TYK2: variants seen among roughly 807,000 people sequenced by gnomAD.
The protein encoded by TYK2 is non-receptor tyrosine-protein kinase TYK2.
Under a neutral mutation model 130.9 loss-of-function variants are expected in TYK2, and 65 were observed. The ratio of observed to expected loss-of-function variants is 0.50; its 90% CI spans 0.41 to 0.61. TYK2 has a LOEUF of 0.61. Among genes scored for constraint, TYK2 ranks in the 20% least tolerant of loss-of-function variants. The probability of loss-of-function intolerance (pLI) is 0.00; values close to 1 mark genes in which losing one functional copy is unlikely to be tolerated. For missense variants in TYK2, 1,378 were observed against 1,610.7 expected, an observed-to-expected ratio of 0.86 and a Z score of 2.47; for synonymous variants, 647 against 658.9, an observed-to-expected ratio of 0.98 and a Z score of 0.28.
chr19:10,361,367 G>A lies in TYK2; in HGVS notation c.2047+144C>T. 2 of 819,902 alleles carry A rather than the reference G, an allele frequency of 2.4e-6. No homozygotes were observed. The highest frequency in any genetic ancestry group is 3.1e-5 in the South Asian group (2 of 64,600). 50.8% of individuals were successfully genotyped at this position (819,902 alleles called of 1,614,324 possible). On this transcript the variant is annotated intron_variant, in intron 14 of 24. Coordinates refer to ENST00000525621, the MANE Select transcript of TYK2 (RefSeq NM_003331.5). The surrounding 1 kb of genome is among the most constrained non-coding windows in gnomAD (Gnocchi z 4.0). ...TGGGGTCTAGGTTGAAGGTCAAGGTGTAGCCCGGGATCAGAGTACAGGTGA... is the reference window on the plus strand; with the variant it reads ...TGGGGTCTAGGTTGAAGGTCAAGGTATAGCCCGGGATCAGAGTACAGGTGA...
At chr19:10,352,740 C>CG (rs1263383503) in intron 22 of TYK2, among the ~76,000 whole-genome samples, 186 bp downstream of exon 22, 1 of 152,174 alleles carries the variant, frequency 6.6e-6, no homozygotes, top group Non-Finnish European at 1.5e-5. Context: ...GGGTTAACCC[C>CG]GCCCACCAGG....
In TYK2 at chr19:10,364,133, A is replaced by G. The variant is rs1198899460; in HGVS notation, c.1367+481T>C. On this transcript the variant is annotated intron_variant, in intron 9 of 24. Coordinates refer to ENST00000525621, the MANE Select transcript of TYK2 (RefSeq NM_003331.5). This position sits in a 1 kb window ranked among gnomAD's most constrained non-coding sequence, Gnocchi z 4.9. The stretch of plus-strand genomic sequence containing the variant: ...GCCTGCAGAGGTGGAAGCATCCAAC[A>G]TACGCCTGAATGGTCACCAGCGTCA... 1.3e-5 allele frequency among the ~76,000 whole-genome samples: 2 copies of G among 152,210 alleles called. No individual in the cohort carries two copies. The highest frequency in any genetic ancestry group is 2.9e-5 in the Non-Finnish European group (2 of 68,042).
At position 10,354,502 on chromosome 19, in the gene TYK2, C is replaced by T. The variant is rs758162695; in HGVS notation, c.2715+10G>A. Reference sequence around the variant, plus strand: ...GGCGGGCCTTTTAGCAGCTCAGGCCCGTCCCTCACCTCGCCCAGATCTCGG... The same window carrying T: ...GGCGGGCCTTTTAGCAGCTCAGGCCTGTCCCTCACCTCGCCCAGATCTCGG... On this transcript the variant is annotated intron_variant, in intron 19 of 24. Coordinates refer to ENST00000525621, the MANE Select transcript of TYK2 (RefSeq NM_003331.5). The T allele has an allele frequency of 1.2e-6, 2 of 1,613,462 alleles. No homozygotes were observed. The highest frequency in any genetic ancestry group is 1.7e-5 in the Admixed American group (1 of 60,004).
Position 10,353,955 on chromosome 19 carries a change from T to A in TYK2, c.2908+87A>T. 1.4e-6 allele frequency: 2 copies of A among 1,402,104 alleles called. No individual in the cohort carries two copies. Among genetic ancestry groups the A allele is most frequent in the East Asian group, 4.6e-5 (2 of 43,084 alleles). 86.9% of individuals were successfully genotyped at this position (1,402,104 alleles called of 1,614,324 possible). On this transcript the variant is annotated intron_variant, in intron 20 of 24. Transcript: ENST00000525621. This position sits in a 1 kb window ranked among gnomAD's most constrained non-coding sequence, Gnocchi z 6.9. Reference sequence around the variant, plus strand: ...CTGGGGTTGAGAGTCTCTAATTGGCTAGGCCAGACTGGCCCCGCCCACAAG... The same window carrying A: ...CTGGGGTTGAGAGTCTCTAATTGGCAAGGCCAGACTGGCCCCGCCCACAAG...
rs376003056 is a variant in TYK2, at chr19:10,356,683, G to C, written c.2502C>G (p.Pro834=). The C allele has an allele frequency of 6.2e-7, 1 of 1,611,166 alleles. No homozygotes were observed. The highest frequency in any genetic ancestry group is 1.3e-5 in the African/African-American group (1 of 74,844). The change falls in exon 18 of 25, where the codon CCC becomes CCG. Residue 834 remains proline (P), a synonymous_variant. Transcript: ENST00000525621. ...TGGCCAGCTGTGGGCAGGAGGGCTC[G>C]GGCAGCCGGTGCTGCCTCTGGTAGA... The part of the protein sequence containing the change: ...EHFYQRQHRL[P]EPSCPQLATL...
chr19:10,376,963 G>A (rs1016120223), intron 3 of TYK2, among the ~76,000 whole-genome samples: 2 of 151,972 alleles, frequency 1.3e-5, no homozygotes, highest in Non-Finnish European at 2.9e-5. Context: ...GTGCAGTGAC[G>A]AAACCATACC....
intron 3 of TYK2, among the ~76,000 whole-genome samples, chr19:10,374,752 A>G (rs1378161904): frequency 2.3e-4 from 28 of 120,148 alleles, no homozygotes; most frequent in Middle Eastern, 6.8e-3. Context: ...GCGTGGTGGC[A>G]GGCGCCTGTA....
chr19:10,364,840 C>A lies in TYK2; in HGVS notation c.1209+11G>T. On this transcript the variant is annotated intron_variant, in intron 8 of 24. Coordinates refer to ENST00000525621, the MANE Select transcript of TYK2 (RefSeq NM_003331.5). This position sits in a 1 kb window ranked among gnomAD's most constrained non-coding sequence, Gnocchi z 4.9. ...GATGGGCCCTAGCCCAGCCCCTACC[C>A]TGGGCCTCACCAGGCACTTGTTGTC... The A allele has an allele frequency of 6.2e-7, 1 of 1,614,050 alleles. No individual in the cohort carries two copies. Among genetic ancestry groups the A allele is most frequent in the South Asian group, 1.1e-5 (1 of 91,084 alleles).
intron 5 of TYK2, among the ~76,000 whole-genome samples, 153 bp from the exon 6 acceptor site, chr19:10,366,733 TAAAA>T (rs750662938): frequency 6.9e-5 from 7 of 101,898 alleles, no homozygotes; most frequent in Admixed American, 1.1e-4. Context: ...GCTGATGAGC[TAAAA>T]AAAAAAAAAA....
Position 10,353,469 on chromosome 19 carries a change from G to A in TYK2, c.3027+59C>T, listed in dbSNP as rs2040917018. On this transcript the variant is annotated intron_variant, in intron 21 of 24. Transcript: ENST00000525621. The surrounding 1 kb of genome is among the most constrained non-coding windows in gnomAD (Gnocchi z 6.9). ...GAGCAGACTGCACCGGATCGCTCAG[G>A]CCAGCCCAAGCTGAAGAGGAAGGGG... 1 of 1,295,848 alleles carries A rather than the reference G, an allele frequency of 7.7e-7. No individual in the cohort carries two copies. Among genetic ancestry groups the A allele is most frequent in the Non-Finnish European group, 1.0e-6 (1 of 959,124 alleles). The allele number at this position is 1,295,848 out of a possible 1,614,324, so 80.3% of individuals were successfully genotyped here.
Position 10,368,167 on chromosome 19 carries a change from C to A in TYK2, c.353G>T (p.Arg118Leu). The stretch of plus-strand genomic sequence containing the variant: ...CCCACAACGGTACACAGCCGGTTCC[C>A]GAGGATTCATGCCATGCCAGTTCCG... ...YFRNWHGMNP[R>L]EPAVYRCGPP... is the part of the protein sequence containing the mutation. Residue 118 changes from arginine to leucine, a missense_variant, in exon 5 of 25, where the codon CGG (arginine) becomes CTG (leucine). Coordinates refer to ENST00000525621, the MANE Select transcript of TYK2 (RefSeq NM_003331.5). The A allele has an allele frequency of 6.2e-7, 1 of 1,614,046 alleles. No individual in the cohort carries two copies. The highest frequency in any genetic ancestry group is 1.1e-5 in the South Asian group (1 of 91,066).
In TYK2 at chr19:10,351,051, C is replaced by T; in HGVS notation, c.3429+1G>A. 6.2e-7 allele frequency: 1 copy of T among 1,614,146 alleles called. No homozygotes were observed. ...TCAGGGAAAGACAAAGGAAGTCTCA[C>T]CTCACAGGGACATTTGTCGGGCCGT... On this transcript the variant is annotated splice_donor_variant, in intron 24 of 24. Coordinates refer to ENST00000525621, the MANE Select transcript of TYK2 (RefSeq NM_003331.5). LOFTEE classifies it high-confidence loss of function.
chr19:10,357,750 T>A lies in TYK2; in HGVS notation c.2466+14A>T, dbSNP rs769009661. 1 of 1,597,420 alleles carries A rather than the reference T, an allele frequency of 6.3e-7. No homozygotes were observed. The highest frequency in any genetic ancestry group is 8.5e-7 in the Non-Finnish European group (1 of 1,172,356). ...CCCCACTGCGGGGAGGGCCCAAGGG[T>A]CTCCTAGACATACCTCGGAGGGACT... On this transcript the variant is annotated intron_variant, in intron 17 of 24. Coordinates refer to ENST00000525621, the MANE Select transcript of TYK2 (RefSeq NM_003331.5).
At chr19:10,368,529 CA>C (rs759522840) in intron 3 of TYK2, 111 bp from the exon 4 acceptor site, 1 of 1,518,408 alleles carries the variant, frequency 6.6e-7, no homozygotes, top group South Asian at 1.2e-5. Flanking sequence ...CCCCCTCCCC[CA>C]CCTGCAGCTT....
In TYK2 at chr19:10,361,565, C is replaced by T; in HGVS notation, c.1993G>A (p.Val665Ile). 6.5e-7 allele frequency: 1 copy of T among 1,548,752 alleles called. No homozygotes were observed. The highest frequency in any genetic ancestry group is 8.7e-7 in the Non-Finnish European group (1 of 1,147,088). Residue 665 changes from valine to isoleucine, a missense_variant, in exon 14 of 25, where the codon GTC becomes ATC. Physicochemically the swap from Val to Ile is conservative, Grantham distance 29 (BLOSUM62 3). Transcript: ENST00000525621. The surrounding 1 kb of genome is among the most constrained non-coding windows in gnomAD (Gnocchi z 4.0). Reference sequence around the variant, plus strand: ...ACGAAGGCCAGGTGCGTGTGGGAGACCTGGCTCATGAGGCTGGCTGTCTCG... The same window carrying T: ...ACGAAGGCCAGGTGCGTGTGGGAGATCTGGCTCATGAGGCTGGCTGTCTCG... ...FYETASLMSQ[V>I]SHTHLAFVHG...
chr19:10,354,565 C>A lies in TYK2; in HGVS notation c.2662G>T (p.Asp888Tyr), dbSNP rs2040986831. The change falls in exon 19 of 25, where the codon GAC becomes TAC. Residue 888 changes from aspartate (D) to tyrosine (Y), a missense_variant. Asp to Tyr is a radical substitution (Grantham distance 160, BLOSUM62 -3). Transcript: ENST00000525621. Reference protein sequence around the residue: ...LTVNPDSPASDPTVFHKRYLK... With the variant: ...LTVNPDSPASYPTVFHKRYLK... Reference sequence around the variant, plus strand: ...TAGCGCTTGTGGAAAACCGTAGGGTCCGACGCCGGTGAGTCCGGGTTCACA... The same window carrying A: ...TAGCGCTTGTGGAAAACCGTAGGGTACGACGCCGGTGAGTCCGGGTTCACA... The A allele has an allele frequency of 6.2e-7, 1 of 1,614,088 alleles. No individual in the cohort carries two copies. Among genetic ancestry groups the A allele is most frequent in the East Asian group, 2.2e-5 (1 of 44,874 alleles).
intron 6 of TYK2, 22 bp from the exon 7 acceptor site, chr19:10,365,920 G>C: frequency 6.3e-7 from 1 of 1,587,686 alleles, no homozygotes; most frequent in Non-Finnish European, 8.6e-7. Context: ...CACAGTGAGG[G>C]GCTGGTCAGG....
At chr19:10,377,638 G>A (rs1363575412) in intron 3 of TYK2, among the ~76,000 whole-genome samples, 1 of 21,110 alleles carries the variant, frequency 4.7e-5, no homozygotes, top group African/African-American at 2.3e-4. Context: ...GTGGGTGGAT[G>A]GATGGGTGGA....
chr19:10,350,905 G>A lies in TYK2; in HGVS notation c.3493C>T (p.Leu1165Phe). 1 of 1,614,202 alleles carries A rather than the reference G, an allele frequency of 6.2e-7. No homozygotes were observed. The highest frequency in any genetic ancestry group is 8.5e-7 in the Non-Finnish European group (1 of 1,180,036). Residue 1165 changes from leucine to phenylalanine, a missense_variant, in exon 25 of 25, where the codon CTC becomes TTC. Coordinates refer to ENST00000525621, the MANE Select transcript of TYK2 (RefSeq NM_003331.5). Reference protein sequence around the residue: ...EASFRPTFENLIPILKTVHEK... With the variant: ...EASFRPTFENFIPILKTVHEK... The stretch of plus-strand genomic sequence containing the variant: ...TGGACTGTCTTCAGAATGGGTATGA[G>A]GTTCTCGAAGGTTGGGCGAAAGGAC...
Sources: allele counts gnomAD v4.1 joint callset (sites outside exome capture counted in the v4.1 genomes callset), GRCh38; gene constraint gnomAD v4.1.1; non-coding constraint Gnocchi (gnomAD v3.1); transcripts MANE v1.5; gene names NCBI Gene and HGNC (gene_info 2026-07-23, HGNC 2026-07-21).